CAMK1D: variants seen among roughly 807,000 people sequenced by gnomAD.
The protein encoded by CAMK1D is calcium/calmodulin-dependent protein kinase type 1D.
CAMK1D carries 9 observed loss-of-function variants against 47.7 expected under a neutral mutation model. That is an observed-to-expected ratio of 0.19 (90% CI 0.11 to 0.33). The LOEUF (loss-of-function observed/expected upper bound fraction) is 0.33, where lower values mean the gene tolerates loss of function less well. Ranked by LOEUF, CAMK1D falls within the 10% of genes least tolerant of loss-of-function variation. The pLI, the probability that CAMK1D is intolerant of heterozygous loss-of-function variation, is 1.00. For synonymous variants in CAMK1D, 184 were observed against 184.9 expected (o/e 0.99, Z 0.04); for missense variants, 291 against 488.7 (o/e 0.60, Z 3.81).
intron 4 of CAMK1D, among the ~76,000 whole-genome samples, chr10:12,762,941 G>C (rs1007635430): frequency 2.0e-5 from 3 of 152,198 alleles, no homozygotes; most frequent in African/African-American, 7.2e-5. Flanking sequence ...CCACAGGGAT[G>C]CACTGTGATG....
At chr10:12,823,123 T>G (rs1047116163) in intron 8 of CAMK1D, among the ~76,000 whole-genome samples, 1 of 152,160 alleles carries the variant, frequency 6.6e-6, no homozygotes, top group African/African-American at 2.4e-5. Context: ...TATTCTCTCT[T>G]GTCTGAATAT....
At chr10:12,651,728 T>C (rs1194425929) in intron 2 of CAMK1D, among the ~76,000 whole-genome samples, 1 of 151,232 alleles carries the variant, frequency 6.6e-6, no homozygotes, top group Non-Finnish European at 1.5e-5. Context: ...TTAAAGAAAC[T>C]GTAAAGAGGC....
chr10:12,504,717 G>A (rs1340003324), intron 1 of CAMK1D, among the ~76,000 whole-genome samples: 1 of 152,170 alleles, frequency 6.6e-6, no homozygotes, highest in Non-Finnish European at 1.5e-5. Flanking sequence ...AACGTGTCCT[G>A]TCAAGACCCT....
At chr10:12,827,265 T>C (rs1162128212) in intron 10 of CAMK1D, among the ~76,000 whole-genome samples, 1 of 67,978 alleles carries the variant, frequency 1.5e-5, no homozygotes, top group Non-Finnish European at 3.4e-5. Flanking sequence ...TCTTTTTCTT[T>C]CCTTCTCTTT....
chr10:12,830,561 C>G lies in CAMK1D; in HGVS notation c.*1674C>G, dbSNP rs745259. The G allele has an allele frequency of 0.062, 9,491 of 152,318 alleles. 352 individuals are homozygous for G. The highest frequency in any genetic ancestry group is 0.087 in the South Asian group (421 of 4,824). The allele number at this position is 152,318 out of a possible 1,614,324, so 9.4% of individuals were successfully genotyped here. On this transcript the variant is annotated 3_prime_UTR_variant, in exon 11 of 11. Coordinates refer to ENST00000619168, the MANE Select transcript of CAMK1D (RefSeq NM_153498.4). ...CATTTAATGCCAAAACCAGGAATAT[C>G]CGGGGCAAAGCAGGCTGTGTTGTTC... is the stretch of plus-strand genomic sequence containing the variant.
rs6143785 is a variant in CAMK1D at position 12,830,965 on chromosome 10, A to ACACACACACACACAC, written c.*2078_*2079insCACACACACACACAC. The ACACACACACACACAC allele has an allele frequency of 5.9e-5, 7 of 117,692 alleles. No individual in the cohort carries two copies. The highest frequency in any genetic ancestry group is 4.2e-4 in the East Asian group (2 of 4,722). 7.3% of individuals were successfully genotyped at this position (117,692 alleles called of 1,614,324 possible). ...CACACACACACACACACACACACAC[A>ACACACACACACACAC]ATGTTATTAGGCACAGCAGCTCCAT... On this transcript the variant is annotated 3_prime_UTR_variant, in exon 11 of 11. Coordinates refer to ENST00000619168, the MANE Select transcript of CAMK1D (RefSeq NM_153498.4).
chr10:12,488,730 A>G (rs1834288223), intron 1 of CAMK1D, among the ~76,000 whole-genome samples: 1 of 152,172 alleles, frequency 6.6e-6, no homozygotes, highest in Non-Finnish European at 1.5e-5. Flanking sequence ...ATCATCAGGC[A>G]TTAGATTCTC....
intron 1 of CAMK1D, among the ~76,000 whole-genome samples, chr10:12,387,418 T>TTATATATATATATTA (rs1564307042): frequency 2.6e-5 from 1 of 37,984 alleles, no homozygotes; most frequent in African/African-American, 7.2e-5. Context: ...TATATATATT[T>TTATATATATATATTA]TATATATTTT....
At chr10:12,512,909 G>T (rs571668818) in intron 1 of CAMK1D, among the ~76,000 whole-genome samples, 3 of 152,308 alleles carry the variant, frequency 2.0e-5, no homozygotes, top group African/African-American at 7.2e-5. Flanking sequence ...ATGGACCGGA[G>T]CGAGCATACT....
At chr10:12,439,957 G>C (rs547018939) in intron 1 of CAMK1D, among the ~76,000 whole-genome samples, 7 of 152,294 alleles carry the variant, frequency 4.6e-5, no homozygotes, top group African/African-American at 7.2e-5. Context: ...CAAACCATCA[G>C]ATCTCGTGAG....
intron 1 of CAMK1D, among the ~76,000 whole-genome samples, chr10:12,499,831 T>C (rs922387701): frequency 6.6e-6 from 1 of 152,006 alleles, no homozygotes; most frequent in Non-Finnish European, 1.5e-5. Flanking sequence ...TCACCATAGC[T>C]CTGGGGGAGA....
intron 2 of CAMK1D, among the ~76,000 whole-genome samples, chr10:12,572,670 C>T (rs1461624292): frequency 5.9e-5 from 9 of 152,062 alleles, no homozygotes; most frequent in South Asian, 2.1e-4. Context: ...CTTGCTCTGT[C>T]GCCCAGGCTG....
intron 1 of CAMK1D, among the ~76,000 whole-genome samples, chr10:12,470,914 G>C (rs1292877330): frequency 2.6e-5 from 4 of 152,178 alleles, no homozygotes; most frequent in African/African-American, 9.7e-5. Flanking sequence ...CACCTTGTGT[G>C]TGTGTACGTG....
At chr10:12,517,027 A>C (rs760656786) in intron 1 of CAMK1D, among the ~76,000 whole-genome samples, 2 of 152,188 alleles carry the variant, frequency 1.3e-5, no homozygotes, top group Non-Finnish European at 2.9e-5. Flanking sequence ...TGATCTGTCC[A>C]TTTATTTTGG....
intron 1 of CAMK1D, among the ~76,000 whole-genome samples, chr10:12,433,538 G>T (rs1174846447): frequency 6.6e-6 from 1 of 152,146 alleles, no homozygotes; most frequent in East Asian, 1.9e-4. Flanking sequence ...GAATCTGGTG[G>T]TCAGAATGCA....
intron 1 of CAMK1D, among the ~76,000 whole-genome samples, chr10:12,489,384 C>T (rs1410526863): frequency 1.3e-5 from 2 of 152,020 alleles, no homozygotes; most frequent in East Asian, 1.9e-4. Flanking sequence ...AGAGGAGGCT[C>T]AAGAGGGAGG....
chr10:12,542,031 T>A (rs1836211690), intron 1 of CAMK1D, among the ~76,000 whole-genome samples: 1 of 152,034 alleles, frequency 6.6e-6, no homozygotes, highest in South Asian at 2.1e-4. Context: ...TGCACCACCA[T>A]GGCAGGATAA....
At chr10:12,643,572 G>T (rs548223236) in intron 2 of CAMK1D, among the ~76,000 whole-genome samples, 1 of 152,300 alleles carries the variant, frequency 6.6e-6, no homozygotes, top group South Asian at 2.1e-4. Flanking sequence ...GATCTAGGTT[G>T]TGTGCTCCTG....
chr10:12,592,005 GT>G (rs1039540320), intron 2 of CAMK1D, among the ~76,000 whole-genome samples: 2 of 151,816 alleles, frequency 1.3e-5, no homozygotes, highest in African/African-American at 4.8e-5. Context: ...TTTGTTTTCT[GT>G]TTTTTTCCTT....
Sources: allele counts gnomAD v4.1 joint callset (sites outside exome capture counted in the v4.1 genomes callset), GRCh38; gene constraint gnomAD v4.1.1; transcripts MANE v1.5; gene names NCBI Gene and HGNC (gene_info 2026-07-23, HGNC 2026-07-21).